The following HAS2 variants were observed in gnomAD, a reference collection of about 807,000 sequenced individuals.
HAS2 encodes the protein HA synthase 2.
In HAS2, 16 loss-of-function variants were observed where a neutral mutation model predicts 51.6. The observed-to-expected ratio is 0.31, with a 90% CI of 0.21 to 0.47. The LOEUF (loss-of-function observed/expected upper bound fraction) is 0.47. Ranked by LOEUF, HAS2 falls within the 20% of genes least tolerant of loss-of-function variation. HAS2 has a pLI of 1.00. For missense variants in HAS2, 361 were observed against 662.6 expected, an observed-to-expected ratio of 0.54 and a Z score of 5.00; for synonymous variants, 228 against 235.5, an observed-to-expected ratio of 0.97 and a Z score of 0.29.
At chr8:121,636,764 A>C (rs1424160787) in intron 1 of HAS2, among the ~76,000 whole-genome samples, 2 of 152,182 alleles carry the variant, frequency 1.3e-5, no homozygotes, top group Non-Finnish European at 2.9e-5. Flanking sequence ...AATTATATCT[A>C]TAGGTCAAAA....
rs576236931 is a variant in HAS2, at chr8:121,632,208, C to T, written c.1-2868G>A. ...TAGAGCCAGCTTTGCTGAGGGAATACATTGATCTCAGGGAGTGACACATAG... is the reference window on the plus strand; with the variant it reads ...TAGAGCCAGCTTTGCTGAGGGAATATATTGATCTCAGGGAGTGACACATAG... On this transcript the variant is annotated intron_variant, in intron 1 of 3. Coordinates refer to ENST00000303924, the MANE Select transcript of HAS2 (RefSeq NM_005328.3). Among the ~76,000 whole-genome samples the T allele has an allele frequency of 2.6e-5, 4 of 152,316 alleles. No homozygotes were observed. In the South Asian group the frequency reaches 8.3e-4, roughly 32 times the overall value.
chr8:121,621,033 G>A (rs371194018), intron 2 of HAS2, among the ~76,000 whole-genome samples: 8 of 152,074 alleles, frequency 5.3e-5, no homozygotes, highest in African/African-American at 1.9e-4. Context: ...TTTTCACCCT[G>A]CAACAGCAAA....
intron 2 of HAS2, among the ~76,000 whole-genome samples, chr8:121,617,968 C>A (rs73708097): frequency 0.011 from 1,606 of 150,514 alleles, 27 homozygotes; most frequent in African/African-American, 0.037. Context: ...TAGAAATGCC[C>A]ATTGTTGTTT....
intron 1 of HAS2, among the ~76,000 whole-genome samples, chr8:121,633,592 GAAGAGCC>G (rs952394705): frequency 3.3e-5 from 5 of 152,184 alleles, no homozygotes; most frequent in Non-Finnish European, 5.9e-5. Flanking sequence ...TGTTTCAAAG[GAAGAGCC>G]TGGTTCCATC....
chr8:121,628,817 A>G lies in HAS2; in HGVS notation c.524T>C (p.Val175Ala). The G allele has an allele frequency of 6.2e-7, 1 of 1,614,120 alleles. No individual in the cohort carries two copies. The highest frequency in any genetic ancestry group is 8.5e-7 in the Non-Finnish European group (1 of 1,179,980). ...KESSQHVTQL[V>A]LSNKSICIMQ... ...GATGCAGATACTTTTGTTGGACAAG[A>G]CCAATTGCGTTACGTGTTGCGAGCT... Residue 175 changes from valine to alanine, a missense_variant, in exon 2 of 4, where the codon GTC (valine) becomes GCC (alanine). Coordinates refer to ENST00000303924, the MANE Select transcript of HAS2 (RefSeq NM_005328.3).
chr8:121,641,165 T>TTC lies in HAS2; in HGVS notation c.-314_-313insGA, dbSNP rs1813095930. ...TCTTTTTTCTTTTCTTTTCTTTTTT[T>TTC]TTTTTTTTTTTTTTTGGGCTTCAGT... On this transcript the variant is annotated 5_prime_UTR_variant, in exon 1 of 4. Coordinates refer to ENST00000303924, the MANE Select transcript of HAS2 (RefSeq NM_005328.3). 8.5e-6 allele frequency: 1 copy of TTC among 117,076 alleles called. No individual in the cohort carries two copies. The highest frequency in any genetic ancestry group is 3.2e-4 in the South Asian group (1 of 3,148). 7.3% of individuals were successfully genotyped at this position (117,076 alleles called of 1,614,324 possible). A position where few individuals can be genotyped will look rare whatever the true frequency, so the allele number is the denominator to read the frequency against.
At position 121,614,389 on chromosome 8, in the gene HAS2, T is replaced by C. The variant is rs550153969; in HGVS notation, c.1379A>G (p.Lys460Arg). 98 of 1,614,120 alleles carry C rather than the reference T, an allele frequency of 6.1e-5. No individual in the cohort carries two copies. The South Asian group carries it at 1.1e-3, about 18-fold the overall frequency. Residue 460 changes from lysine (K) to arginine (R), a missense_variant, in exon 4 of 4, where the codon AAA becomes AGA. Around this residue, in one of 5 missense-constraint regions of HAS2, gnomAD observed 106 missense variants for 241.0 expected, o/e 0.44. Coordinates refer to ENST00000303924, the MANE Select transcript of HAS2 (RefSeq NM_005328.3). This position sits in a 1 kb window ranked among gnomAD's most constrained non-coding sequence, Gnocchi z 7.2. ...CCTTCCTGATGTGCCCCACCCAGCT[T>C]TGTTTATTGTTGCAATTGCAAACAT... ...AKMFAIATIN[K>R]AGWGTSGRKT...
chr8:121,628,020 G>A (rs1036372728), intron 2 of HAS2, among the ~76,000 whole-genome samples: 1 of 152,118 alleles, frequency 6.6e-6, no homozygotes, highest in Non-Finnish European at 1.5e-5. Context: ...TGAGCTTTCA[G>A]GAAATTAATG....
chr8:121,626,739 T>C (rs1000196189), intron 2 of HAS2, among the ~76,000 whole-genome samples: 8 of 152,184 alleles, frequency 5.3e-5, no homozygotes, highest in Admixed American at 1.3e-4. Context: ...CATGGTTAAA[T>C]ATCAGGGGAT....
chr8:121,626,585 A>T (rs1812856774), intron 2 of HAS2, among the ~76,000 whole-genome samples: 1 of 152,192 alleles, frequency 6.6e-6, no homozygotes, highest in South Asian at 2.1e-4. Context: ...TTAGCAGCCA[A>T]CATCTTCAAA....
At chr8:121,633,959 G>A (rs1368432300) in intron 1 of HAS2, among the ~76,000 whole-genome samples, 1 of 144,406 alleles carries the variant, frequency 6.9e-6, no homozygotes, top group Non-Finnish European at 1.5e-5. Context: ...TGCCCAGGTT[G>A]GAGTGCAATG....
At chr8:121,625,097 C>CAAAAA (rs537345385) in intron 2 of HAS2, among the ~76,000 whole-genome samples, 4 of 57,912 alleles carry the variant, frequency 6.9e-5, no homozygotes, top group South Asian at 7.9e-4. Context: ...GACTCCGTCT[C>CAAAAA]AAAAAAAAAA....
In HAS2 at chr8:121,612,506, A is replaced by G. The variant is rs918346539; in HGVS notation, c.*1603T>C. 3.3e-5 allele frequency: 5 copies of G among 152,090 alleles called. No homozygotes were observed. Among genetic ancestry groups the G allele is most frequent in the African/African-American group, 7.2e-5 (3 of 41,420 alleles). 9.4% of individuals were successfully genotyped at this position (152,090 alleles called of 1,614,324 possible). On this transcript the variant is annotated 3_prime_UTR_variant, in exon 4 of 4. Transcript: ENST00000303924. ...CCCATTTTTTTTTTAACACTTCTCC[A>G]TGTGTCTCTGCCTCACCATAATGCT... is the stretch of plus-strand genomic sequence containing the variant.
chr8:121,614,220 C>T lies in HAS2; in HGVS notation c.1548G>A (p.Thr516=), dbSNP rs1363195488. The T allele has an allele frequency of 1.9e-6, 3 of 1,614,098 alleles. No individual in the cohort carries two copies. The highest frequency in any genetic ancestry group is 2.2e-5 in the South Asian group (2 of 91,086). The change falls in exon 4 of 4, where the codon ACG becomes ACA. Residue 516 remains threonine (T), a synonymous_variant. Coordinates refer to ENST00000303924, the MANE Select transcript of HAS2 (RefSeq NM_005328.3). This position sits in a 1 kb window ranked among gnomAD's most constrained non-coding sequence, Gnocchi z 7.2. ...ESKQTVLIVG[T]LLYACYWVML... ...TGACCCAATAGCATGCATAGAGCAA[C>T]GTTCCAACAATTAGAACTGTCTGTT... is the stretch of plus-strand genomic sequence containing the variant.
rs1315160661 is a variant in HAS2 at position 121,613,888 on chromosome 8, A to G, written c.*221T>C. ...GAAAAAGTGCATAAACAAAGAATTC[A>G]TCCCATTTTCATAGAAATAACAGGT... On this transcript the variant is annotated 3_prime_UTR_variant, in exon 4 of 4. Coordinates refer to ENST00000303924, the MANE Select transcript of HAS2 (RefSeq NM_005328.3). 1.5e-6 allele frequency: 1 copy of G among 658,940 alleles called. No homozygotes were observed. Among genetic ancestry groups the G allele is most frequent in the African/African-American group, 1.8e-5 (1 of 54,972 alleles). 40.8% of individuals were successfully genotyped at this position (658,940 alleles called of 1,614,324 possible). A position where few individuals can be genotyped will look rare whatever the true frequency, so the allele number is the denominator to read the frequency against.
intron 1 of HAS2, among the ~76,000 whole-genome samples, chr8:121,632,333 A>T (rs2130448890): frequency 6.6e-6 from 1 of 152,298 alleles, no homozygotes; most frequent in African/African-American, 2.4e-5. Flanking sequence ...TCTGTTTCAT[A>T]AGCATACTCT....
At chr8:121,618,378 A>G (rs754989554) in intron 2 of HAS2, among the ~76,000 whole-genome samples, 1 of 152,126 alleles carries the variant, frequency 6.6e-6, no homozygotes, top group Non-Finnish European at 1.5e-5. Flanking sequence ...TACAGCTGAT[A>G]CCTGTTCCTG....
intron 1 of HAS2, among the ~76,000 whole-genome samples, chr8:121,634,037 A>G (rs560089149): frequency 1.5e-4 from 23 of 151,946 alleles, no homozygotes; most frequent in African/African-American, 5.3e-4. Flanking sequence ...CAGCCTCCCA[A>G]GTAGCTGGGA....
At chr8:121,621,286 T>C (rs753623807) in intron 2 of HAS2, among the ~76,000 whole-genome samples, 3 of 152,166 alleles carry the variant, frequency 2.0e-5, no homozygotes, top group Non-Finnish European at 4.4e-5. Flanking sequence ...GTGTAGGATA[T>C]TAAAAAATTA....
Sources: allele counts gnomAD v4.1 joint callset (sites outside exome capture counted in the v4.1 genomes callset), GRCh38; gene constraint gnomAD v4.1.1; regional missense constraint gnomAD v4.1.1; non-coding constraint Gnocchi (gnomAD v3.1); transcripts MANE v1.5; gene names NCBI Gene and HGNC (gene_info 2026-07-23, HGNC 2026-07-21).